The following SPRED2 variants were observed in gnomAD, a reference collection of about 807,000 sequenced individuals.
SPRED2 encodes sprouty-related, EVH1 domain-containing protein 2.
A neutral mutation model predicts 43.0 loss-of-function variants in SPRED2; 47 were observed. That is an observed-to-expected ratio of 1.09 (90% CI 0.87 to 1.40). The LOEUF (loss-of-function observed/expected upper bound fraction) is 1.40, where lower values mean the gene tolerates loss of function less well. Ranked by LOEUF, SPRED2 falls within the 40% of genes most tolerant of loss-of-function variation. The pLI is 0.00. For synonymous variants in SPRED2, 225 were observed against 225.7 expected (o/e 1.00, Z 0.03); for missense variants, 561 against 586.4 (o/e 0.96, Z 0.45).
At chr2:65,392,801 C>G (rs987700829) in intron 1 of SPRED2, among the ~76,000 whole-genome samples, 2 of 152,106 alleles carry the variant, frequency 1.3e-5, no homozygotes, top group Non-Finnish European at 2.9e-5. Flanking sequence ...TCAGAACATG[C>G]CAGGGACACT....
At chr2:65,338,126 TTGAAAG>T (rs374901434) in intron 2 of SPRED2, among the ~76,000 whole-genome samples, 33 of 151,864 alleles carry the variant, frequency 2.2e-4, no homozygotes, top group African/African-American at 7.7e-4. Flanking sequence ...AAGAGATCTA[TTGAAAG>T]TGAAAGAGTC....
intron 1 of SPRED2, among the ~76,000 whole-genome samples, chr2:65,359,520 A>G (rs1280017574): frequency 6.6e-6 from 1 of 152,166 alleles, no homozygotes; most frequent in Non-Finnish European, 1.5e-5. Context: ...TGATTTTCAC[A>G]GATAACTGAA....
chr2:65,346,528 C>T lies in SPRED2; in HGVS notation c.27-1632G>A, dbSNP rs180718266. ...ACTAACTCCCCCTTCTCCACTTCCT[C>T]GACCCCTCAGCCCCTGGCACCCACC... On this transcript the variant is annotated intron_variant, in intron 1 of 5. Coordinates refer to ENST00000356388, the MANE Select transcript of SPRED2 (RefSeq NM_181784.3). Among the ~76,000 whole-genome samples, 49 of 152,260 alleles carry T rather than the reference C, an allele frequency of 3.2e-4. 1 individual carries two copies. The highest frequency in any genetic ancestry group is 1.1e-3 in the African/African-American group (44 of 41,540).
chr2:65,366,602 G>T, intron 1 of SPRED2: 1 of 1,553,762 alleles, frequency 6.4e-7, no homozygotes, highest in Non-Finnish European at 8.7e-7. Flanking sequence ...GCCAGGCGAT[G>T]CCATTTCCTC....
intron 4 of SPRED2, among the ~76,000 whole-genome samples, chr2:65,329,889 A>G (rs374538445): frequency 4.6e-5 from 7 of 152,286 alleles, no homozygotes; most frequent in African/African-American, 1.7e-4. Flanking sequence ...AGGACAACTG[A>G]GTTCATTTCC....
chr2:65,314,291 C>T, intron 5 of SPRED2, 122 bp from the exon 6 acceptor site: 1 of 910,780 alleles, frequency 1.1e-6, no homozygotes, highest in South Asian at 1.8e-5. Context: ...AACTCCATCA[C>T]GATGCTCCGT....
intron 1 of SPRED2, among the ~76,000 whole-genome samples, chr2:65,356,288 T>C (rs987429482): frequency 6.6e-6 from 1 of 152,200 alleles, no homozygotes. Context: ...ATGTGTATGA[T>C]AAAACAATAA....
At chr2:65,321,693 C>G (rs1056075716) in intron 4 of SPRED2, among the ~76,000 whole-genome samples, 3 of 152,060 alleles carry the variant, frequency 2.0e-5, no homozygotes, top group African/African-American at 7.2e-5. Flanking sequence ...ATCTCTAACT[C>G]CAGTGTTTAC....
chr2:65,399,532 G>A (rs564075602), intron 1 of SPRED2, among the ~76,000 whole-genome samples: 13 of 150,926 alleles, frequency 8.6e-5, no homozygotes, highest in Non-Finnish European at 1.3e-4. Context: ...ACAGGTGCAC[G>A]CCACCACGCC....
intron 1 of SPRED2, among the ~76,000 whole-genome samples, chr2:65,397,995 A>G (rs1675797577): frequency 6.6e-6 from 1 of 152,260 alleles, no homozygotes; most frequent in African/African-American, 2.4e-5. Context: ...ACTATACTGT[A>G]AGGCCATAGT....
At chr2:65,377,883 A>C in intron 1 of SPRED2, 1 of 349,556 alleles carries the variant, frequency 2.9e-6, no homozygotes, top group Non-Finnish European at 5.7e-6. Flanking sequence ...CACGGAGCTG[A>C]CTCATACTCT....
At chr2:65,411,196 C>T (rs1676150337) in intron 1 of SPRED2, among the ~76,000 whole-genome samples, 1 of 152,182 alleles carries the variant, frequency 6.6e-6, no homozygotes. Context: ...CTCATTTAAT[C>T]CTCCAGCAAT....
In SPRED2 at chr2:65,331,977, G is replaced by C. The variant is rs200814953; in HGVS notation, c.438+10C>G. 2.5e-6 allele frequency: 4 copies of C among 1,600,306 alleles called. No individual in the cohort carries two copies. Among genetic ancestry groups the C allele is most frequent in the South Asian group, 1.1e-5 (1 of 88,972 alleles). On this transcript the variant is annotated intron_variant, in intron 4 of 5. Coordinates refer to ENST00000356388, the MANE Select transcript of SPRED2 (RefSeq NM_181784.3). The stretch of plus-strand genomic sequence containing the variant: ...ACTAATCTGGAAAGCAAAGGACAAA[G>C]GAAACTTACTGTAAAAACGTCATCA...
intron 1 of SPRED2, among the ~76,000 whole-genome samples, chr2:65,377,357 C>T (rs928087693): frequency 6.6e-6 from 1 of 152,140 alleles, no homozygotes; most frequent in Non-Finnish European, 1.5e-5. Context: ...TTTGTTGGGT[C>T]AGGATAATGA....
At position 65,422,303 on chromosome 2, in the gene SPRED2, G is replaced by T. The variant is rs1178060094; in HGVS notation, c.26+9659C>A. On this transcript the variant is annotated intron_variant, in intron 1 of 5. Coordinates refer to ENST00000356388, the MANE Select transcript of SPRED2 (RefSeq NM_181784.3). ...ACATTTCTAGTTTGCAGCTCTAGGA[G>T]GAACCCAGCAGGAAGGAGGGGAAGA... 7.2e-5 allele frequency among the ~76,000 whole-genome samples: 11 copies of T among 152,100 alleles called. No homozygotes were observed. In the East Asian group the frequency reaches 2.1e-3, roughly 29 times the overall value.
intron 1 of SPRED2, among the ~76,000 whole-genome samples, chr2:65,429,837 T>C (rs1676637744): frequency 6.6e-6 from 1 of 152,208 alleles, no homozygotes; most frequent in Non-Finnish European, 1.5e-5. Context: ...ACTGGACTCG[T>C]GACAGCAGTG....
At chr2:65,371,442 T>C (rs1239504315) in intron 1 of SPRED2, among the ~76,000 whole-genome samples, 1 of 152,140 alleles carries the variant, frequency 6.6e-6, no homozygotes, top group Non-Finnish European at 1.5e-5. Flanking sequence ...TACTGGAAAA[T>C]ATCAACATCT....
intron 1 of SPRED2, among the ~76,000 whole-genome samples, chr2:65,401,343 C>T (rs963520098): frequency 2.0e-5 from 3 of 152,102 alleles, no homozygotes; most frequent in Non-Finnish European, 4.4e-5. Context: ...TACCAGAAGC[C>T]TGCTGAATGG....
chr2:65,404,401 T>C (rs1675975080), intron 1 of SPRED2, among the ~76,000 whole-genome samples: 1 of 152,162 alleles, frequency 6.6e-6, no homozygotes, highest in Non-Finnish European at 1.5e-5. Flanking sequence ...TAAGCGCAAG[T>C]ATATACTACT....
Sources: gnomAD v4.1 joint callset for allele counts (sites outside exome capture counted in the v4.1 genomes callset) on GRCh38, gnomAD v4.1.1 for gene constraint, MANE v1.5 for transcripts, NCBI Gene and HGNC (gene_info 2026-07-23, HGNC 2026-07-21) for gene names.